The following MGAT4C variants were observed in gnomAD, a reference collection of about 807,000 sequenced individuals.
The protein encoded by MGAT4C is alpha-1,3-mannosyl-glycoprotein 4-beta-N-acetylglucosaminyltransferase C.
A neutral mutation model predicts 40.1 loss-of-function variants in MGAT4C; 19 were observed. The observed-to-expected ratio is 0.47, with a 90% confidence interval of 0.33 to 0.70. The LOEUF is 0.70. MGAT4C is among the 30% of genes least tolerant of loss of function. MGAT4C has a pLI of 0.02. For synonymous variants in MGAT4C, 181 were observed against 187.1 expected (o/e 0.97, Z 0.27); for missense variants, 491 against 563.2 (o/e 0.87, Z 1.30).
intron 1 of MGAT4C, among the ~76,000 whole-genome samples, chr12:86,739,835 T>C (rs1951040198): frequency 6.6e-6 from 1 of 150,490 alleles, no homozygotes; most frequent in East Asian, 1.9e-4. Context: ...TGTGTATATA[T>C]ATTTATTTAT....
chr12:86,100,552 A>T (rs1874788665), intron 1 of MGAT4C, among the ~76,000 whole-genome samples: 3 of 151,462 alleles, frequency 2.0e-5, no homozygotes. Context: ...TTTGTTAATT[A>T]AAAAAATATA....
intron 1 of MGAT4C, among the ~76,000 whole-genome samples, chr12:86,252,715 T>A: frequency 6.6e-6 from 1 of 151,946 alleles, no homozygotes; most frequent in South Asian, 2.1e-4. Flanking sequence ...AATAAAAAAA[T>A]TCTTCATTTT....
intron 1 of MGAT4C, among the ~76,000 whole-genome samples, chr12:86,062,787 A>C (rs781547192): frequency 3.9e-5 from 6 of 152,004 alleles, no homozygotes; most frequent in Non-Finnish European, 5.9e-5. Flanking sequence ...ATTGAAGATC[A>C]ACTCAATAAA....
At chr12:86,808,205 A>G in intron 1 of MGAT4C, among the ~76,000 whole-genome samples, 1 of 152,110 alleles carries the variant, frequency 6.6e-6, no homozygotes, top group Admixed American at 6.6e-5. Context: ...AAATACAAAG[A>G]GGAGCAGACA....
chr12:86,555,958 G>A (rs1267589408), intron 2 of MGAT4C, among the ~76,000 whole-genome samples: 1 of 152,084 alleles, frequency 6.6e-6, no homozygotes, highest in African/African-American at 2.4e-5. Flanking sequence ...ATATAAATGG[G>A]ATATTTGAAC....
rs1592908824 is a variant in MGAT4C, at chr12:86,489,275, C to G, written c.-228-54010G>C. Among the ~76,000 whole-genome samples the G allele has an allele frequency of 2.0e-5, 3 of 152,278 alleles. No homozygotes were observed. In the South Asian group the frequency reaches 6.2e-4, roughly 32 times the overall value. ...GCAACTTACACTTCGTGTCCCCTTT[C>G]CAGCTCCCCTCCCCACTGAGAGCTG... On this transcript the variant is annotated intron_variant, in intron 2 of 7. Coordinates refer to the MGAT4C transcript ENST00000548651.
intron 2 of MGAT4C, among the ~76,000 whole-genome samples, chr12:86,589,448 A>G (rs1341494549): frequency 1.3e-5 from 2 of 152,046 alleles, no homozygotes; most frequent in African/African-American, 4.8e-5. Context: ...GACCAGATGG[A>G]TTCACAGCCG....
chr12:86,735,616 C>A (rs1428765544), intron 1 of MGAT4C, among the ~76,000 whole-genome samples: 1 of 151,678 alleles, frequency 6.6e-6, no homozygotes, highest in Non-Finnish European at 1.5e-5. Context: ...GAATGGGCTG[C>A]CTTCTAAGAA....
rs1404914010 is a variant in MGAT4C at position 86,147,305 on chromosome 12, G to A, written c.-56-97582C>T. 2.0e-5 allele frequency among the ~76,000 whole-genome samples: 3 copies of A among 151,838 alleles called. 1 individual carries two copies. The highest frequency in any genetic ancestry group is 3.9e-4 in the East Asian group (2 of 5,156). The stretch of plus-strand genomic sequence containing the variant: ...CGCCCAGGCTGGAGTGCAGTGCCGC[G>A]ATCTCAGCTCACTGCAAGCTCCACC... On this transcript the variant is annotated intron_variant, in intron 1 of 4. Coordinates refer to ENST00000611864, the MANE Select transcript of MGAT4C (RefSeq NM_001351288.2).
intron 3 of MGAT4C, among the ~76,000 whole-genome samples, chr12:86,424,076 G>C (rs995734679): frequency 2.0e-5 from 3 of 152,166 alleles, no homozygotes; most frequent in Non-Finnish European, 1.5e-5. Flanking sequence ...AAATTAAAGA[G>C]AGATCTCTCT....
At chr12:85,986,265 T>C (rs1310128034) in intron 3 of MGAT4C, among the ~76,000 whole-genome samples, 1 of 152,210 alleles carries the variant, frequency 6.6e-6, no homozygotes, top group African/African-American at 2.4e-5. Context: ...TGTAGTATAT[T>C]TCTCAGTAAT....
At chr12:86,096,849 A>T (rs1306615376) in intron 1 of MGAT4C, among the ~76,000 whole-genome samples, 1 of 151,552 alleles carries the variant, frequency 6.6e-6, no homozygotes, top group Non-Finnish European at 1.5e-5. Context: ...ATCCCATATA[A>T]TATATTTGTG....
chr12:86,591,784 A>G (rs1442679999), intron 2 of MGAT4C, among the ~76,000 whole-genome samples: 1 of 151,702 alleles, frequency 6.6e-6, no homozygotes, highest in Non-Finnish European at 1.5e-5. Flanking sequence ...AAAAGCATTA[A>G]TTATTCAAAT....
chr12:86,562,433 GAGGAGGCTTTTTTT>G (rs1555204827), intron 2 of MGAT4C, among the ~76,000 whole-genome samples: 1 of 152,014 alleles, frequency 6.6e-6, no homozygotes, highest in Non-Finnish European at 1.5e-5. Context: ...CCTAAATTCT[GAGGAGGCTTTTTTT>G]GCCAGAGGAA....
At chr12:86,694,591 AAAT>A (rs1362282148) in intron 2 of MGAT4C, among the ~76,000 whole-genome samples, 1 of 152,166 alleles carries the variant, frequency 6.6e-6, no homozygotes, top group African/African-American at 2.4e-5. Context: ...AATTATTTGA[AAAT>A]AATAAAAATA....
At chr12:86,134,721 T>C (rs573729964) in intron 1 of MGAT4C, among the ~76,000 whole-genome samples, 1 of 152,122 alleles carries the variant, frequency 6.6e-6, no homozygotes, top group Non-Finnish European at 1.5e-5. Context: ...TAAAAGCCTC[T>C]CTTTCTGGAG....
At chr12:86,788,142 C>A (rs1462380206) in intron 1 of MGAT4C, among the ~76,000 whole-genome samples, 3 of 150,678 alleles carry the variant, frequency 2.0e-5, no homozygotes, top group Non-Finnish European at 3.0e-5. Flanking sequence ...ATATATAACA[C>A]CCACATATAC....
intron 1 of MGAT4C, among the ~76,000 whole-genome samples, chr12:86,089,932 T>C (rs1872595690): frequency 6.6e-6 from 1 of 151,732 alleles, no homozygotes; most frequent in Non-Finnish European, 1.5e-5. Context: ...ACTATAAACA[T>C]ATTATTTATT....
chr12:86,086,383 T>A lies in MGAT4C; in HGVS notation c.-56-36660A>T, dbSNP rs1592898154. The stretch of plus-strand genomic sequence containing the variant: ...AGAGGAACATCACACACCGGGGCCT[T>A]TTGCGGGTGGGGAGCAAGGGGAGGA... On this transcript the variant is annotated intron_variant, in intron 1 of 4. Transcript: ENST00000611864. Among the ~76,000 whole-genome samples the A allele has an allele frequency of 2.0e-5, 3 of 151,650 alleles. No individual in the cohort carries two copies. The South Asian group carries it at 6.2e-4, about 32-fold the overall frequency.
Sources: gnomAD v4.1 joint callset for allele counts (sites outside exome capture counted in the v4.1 genomes callset) on GRCh38, gnomAD v4.1.1 for gene constraint, MANE v1.5 for transcripts, NCBI Gene and HGNC (gene_info 2026-07-23, HGNC 2026-07-21) for gene names.